The following CNOT9 variants were observed in gnomAD, a reference collection of about 807,000 sequenced individuals.
CNOT9 encodes the protein CCR4-NOT transcription complex subunit 9.
Under a neutral mutation model 37.4 loss-of-function variants are expected in CNOT9, and 8 were observed. The ratio of observed to expected loss-of-function variants is 0.21; its 90% CI spans 0.13 to 0.39. CNOT9 has a LOEUF of 0.39. CNOT9 is among the 10% of genes least tolerant of loss of function. CNOT9 has a pLI of 1.00. For missense variants in CNOT9, 154 were observed against 365.3 expected (o/e 0.42, Z 4.71); for synonymous variants, 120 against 137.6 (o/e 0.87, Z 0.90).
intron 4 of CNOT9, 80 bp from the exon 5 acceptor site, chr2:218,587,506 C>T (rs1024624668): frequency 7.3e-7 from 1 of 1,377,278 alleles, no homozygotes; most frequent in African/African-American, 1.5e-5. Context: ...GTTCACAACT[C>T]ACTGGATAAA....
intron 7 of CNOT9, chr2:218,593,685 T>C: frequency 7.8e-7 from 1 of 1,279,000 alleles, no homozygotes; most frequent in Non-Finnish European, 1.0e-6. Context: ...AAGACACAAA[T>C]TGATAACTTA....
chr2:218,573,179 G>A (rs1351316506), intron 1 of CNOT9, among the ~76,000 whole-genome samples: 2 of 151,944 alleles, frequency 1.3e-5, no homozygotes, highest in Non-Finnish European at 2.9e-5. Flanking sequence ...TTAGCCTGGC[G>A]TCATGGCATG....
At chr2:218,589,877 G>A (rs1694717845) in intron 5 of CNOT9, among the ~76,000 whole-genome samples, 1 of 152,138 alleles carries the variant, frequency 6.6e-6, no homozygotes, top group Non-Finnish European at 1.5e-5. Flanking sequence ...TTGAGCAAAA[G>A]AAGCCAGACA....
chr2:218,588,683 C>T (rs1694678951), intron 5 of CNOT9, among the ~76,000 whole-genome samples: 1 of 137,672 alleles, frequency 7.3e-6, no homozygotes, highest in Admixed American at 8.3e-5. Context: ...TCTTCTGCCT[C>T]AGCCTCCCAC....
chr2:218,580,844 A>T lies in CNOT9; in HGVS notation c.204+104A>T, dbSNP rs1026353888. ...GAAGACTTTAGGAGGATGATTCTTTAAAAAACTGCATTTGTAAGAATCTGT... is the reference window on the plus strand; with the variant it reads ...GAAGACTTTAGGAGGATGATTCTTTTAAAAACTGCATTTGTAAGAATCTGT... On this transcript the variant is annotated intron_variant, in intron 2 of 7. Transcript: ENST00000273064. 3 of 1,041,654 alleles carry T rather than the reference A, an allele frequency of 2.9e-6. No homozygotes were observed. The African/African-American group carries it at 4.8e-5, about 17-fold the overall frequency. 64.5% of individuals were successfully genotyped at this position (1,041,654 alleles called of 1,614,324 possible).
intron 1 of CNOT9, among the ~76,000 whole-genome samples, chr2:218,570,131 T>C (rs1357590338): frequency 6.6e-6 from 1 of 152,144 alleles, no homozygotes; most frequent in East Asian, 1.9e-4. Flanking sequence ...GAAAGAATAT[T>C]GAAGGGAAGG....
intron 5 of CNOT9, among the ~76,000 whole-genome samples, chr2:218,589,650 G>T (rs774910100): frequency 2.0e-5 from 3 of 152,144 alleles, no homozygotes; most frequent in Admixed American, 6.6e-5. Flanking sequence ...TGTTTTTAAA[G>T]AGACAAGGTT....
chr2:218,584,852 TAATC>T, intron 4 of CNOT9, 131 bp downstream of exon 4: 1 of 696,808 alleles, frequency 1.4e-6, no homozygotes, highest in Non-Finnish European at 2.6e-6. Context: ...TCTCATTCAC[TAATC>T]AATAAGTATC....
chr2:218,590,822 T>TG lies in CNOT9; in HGVS notation c.541-1482_541-1481insG, dbSNP rs778868786. Among the ~76,000 whole-genome samples the TG allele has an allele frequency of 2.6e-5, 4 of 151,304 alleles. No homozygotes were observed. In the East Asian group the frequency reaches 7.8e-4, roughly 29 times the overall value. ...CTTGTTGTTGTTGTTGTTGTTGTTG[T>TG]TTTGTTTGTTTGTTTGTTTTAAGAG... is the stretch of plus-strand genomic sequence containing the variant. On this transcript the variant is annotated intron_variant, in intron 5 of 7. Transcript: ENST00000273064.
chr2:218,581,635 T>A (rs1310531724), intron 2 of CNOT9, among the ~76,000 whole-genome samples: 1 of 152,232 alleles, frequency 6.6e-6, no homozygotes, highest in East Asian at 1.9e-4. Flanking sequence ...AGTGGCATGA[T>A]CATCCATTAA....
intron 1 of CNOT9, among the ~76,000 whole-genome samples, chr2:218,569,956 A>T (rs947012328): frequency 4.5e-4 from 69 of 152,184 alleles, no homozygotes; most frequent in African/African-American, 1.6e-3. Flanking sequence ...ACTTTAGTAG[A>T]GTACCCTTTA....
intron 3 of CNOT9, 108 bp downstream of exon 3, chr2:218,583,194 T>C: frequency 3.0e-6 from 1 of 328,114 alleles, no homozygotes. Flanking sequence ...AGAGAACGTT[T>C]GTGTGTGTGT....
intron 3 of CNOT9, 141 bp downstream of exon 3, chr2:218,583,227 GTGTGTGT>G: frequency 4.8e-6 from 1 of 206,922 alleles, no homozygotes; most frequent in Non-Finnish European, 8.5e-6. Context: ...GTGTGTGTGT[GTGTGTGT>G]CTCTCTCTCT....
At chr2:218,591,976 C>G (rs1694792541) in intron 5 of CNOT9, among the ~76,000 whole-genome samples, 1 of 151,926 alleles carries the variant, frequency 6.6e-6, no homozygotes, top group Non-Finnish European at 1.5e-5. Context: ...ATGAGAAGGT[C>G]TCTGAGTTTT....
At chr2:218,582,008 G>A (rs1184340652) in intron 2 of CNOT9, among the ~76,000 whole-genome samples, 1 of 152,118 alleles carries the variant, frequency 6.6e-6, no homozygotes, top group Non-Finnish European at 1.5e-5. Flanking sequence ...ATTGAGCCCA[G>A]GAGGTGGAGG....
chr2:218,576,430 G>T (rs1694170957), intron 1 of CNOT9, among the ~76,000 whole-genome samples: 1 of 152,106 alleles, frequency 6.6e-6, no homozygotes, highest in Non-Finnish European at 1.5e-5. Context: ...TGCCCCATCT[G>T]ATCCATAATG....
chr2:218,589,315 G>A (rs1694699882), intron 5 of CNOT9: 1 of 152,024 alleles, frequency 6.6e-6, no homozygotes, highest in Non-Finnish European at 1.5e-5. Context: ...CTGTCTAAGT[G>A]AGCACTGGTT....
At chr2:218,593,213 T>C in intron 7 of CNOT9, 2 of 272,140 alleles carry the variant, frequency 7.3e-6, no homozygotes, top group Non-Finnish European at 1.4e-5. Flanking sequence ...CCTTTTGCTT[T>C]GTAAATCCAT....
At position 218,584,630 on chromosome 2, in the gene CNOT9, A is replaced by T. The variant is rs1694530375; in HGVS notation, c.339A>T (p.Ala113=). 1 of 1,613,638 alleles carries T rather than the reference A, an allele frequency of 6.2e-7. No individual in the cohort carries two copies. The highest frequency in any genetic ancestry group is 8.5e-7 in the Non-Finnish European group (1 of 1,179,662). ...CTTCCAGGTCAGCGTTTCTCGCAGCACACATCCCACTTTTTTTGTACCCCT... is the reference window on the plus strand; with the variant it reads ...CTTCCAGGTCAGCGTTTCTCGCAGCTCACATCCCACTTTTTTTGTACCCCT... ...HPETRSAFLA[A]HIPLFLYPFL... is the part of the protein sequence containing the mutation. The change falls in exon 4 of 8, where the codon GCA becomes GCT. Residue 113 remains alanine, a synonymous_variant. Coordinates refer to ENST00000273064, the MANE Select transcript of CNOT9 (RefSeq NM_005444.3).
Sources: allele counts gnomAD v4.1 joint callset (sites outside exome capture counted in the v4.1 genomes callset), GRCh38; gene constraint gnomAD v4.1.1; transcripts MANE v1.5; gene names NCBI Gene and HGNC (gene_info 2026-07-23, HGNC 2026-07-21).